NAA40: variants seen among roughly 807,000 people sequenced by gnomAD.
NAA40 encodes the protein N-alpha-acetyltransferase 40.
Under a neutral mutation model 36.6 loss-of-function variants are expected in NAA40, and 26 were observed. The observed-to-expected ratio is 0.71, with a 90% CI of 0.52 to 0.98. NAA40 has a LOEUF of 0.98. Among genes scored for constraint, NAA40 ranks in the 50% least tolerant of loss-of-function variants. The pLI, the probability that NAA40 is intolerant of heterozygous loss-of-function variation, is 0.00. For synonymous variants in NAA40, 129 were observed against 108.4 expected (o/e 1.19, Z -1.18); for missense variants, 237 against 306.5 (o/e 0.77, Z 1.69).
chr11:63,952,377 T>G, intron 4 of NAA40, 30 bp from the exon 5 acceptor site: 3 of 1,613,266 alleles, frequency 1.9e-6, no homozygotes, highest in Non-Finnish European at 2.5e-6. Context: ...TCTCGCAGCT[T>G]TCCCGTCTGA....
rs940916662 is a variant in NAA40 at position 63,939,264 on chromosome 11, C to T, written c.6+162C>T. Reference sequence around the variant, plus strand: ...GACTCCCCCATTCTAAGGGTCCCTACGCTAGGCCTAGCCCGGGAATCCTCT... The same window carrying T: ...GACTCCCCCATTCTAAGGGTCCCTATGCTAGGCCTAGCCCGGGAATCCTCT... On this transcript the variant is annotated intron_variant, in intron 1 of 7. Transcript: ENST00000377793. 174 of 1,303,662 alleles carry T rather than the reference C, an allele frequency of 1.3e-4. No homozygotes were observed. In the African/African-American group the frequency reaches 2.4e-3, roughly 18 times the overall value. 80.8% of individuals were successfully genotyped at this position (1,303,662 alleles called of 1,614,324 possible). A position where few individuals can be genotyped will look rare whatever the true frequency, so the allele number is the denominator to read the frequency against.
chr11:63,950,602 A>G (rs1408770567), intron 3 of NAA40, among the ~76,000 whole-genome samples: 1 of 151,940 alleles, frequency 6.6e-6, no homozygotes, highest in Non-Finnish European at 1.5e-5. Flanking sequence ...AGCTGGGATT[A>G]CAGGCACCCC....
At chr11:63,943,600 G>T (rs552173832) in intron 1 of NAA40, among the ~76,000 whole-genome samples, 1 of 152,226 alleles carries the variant, frequency 6.6e-6, no homozygotes, top group South Asian at 2.1e-4. Flanking sequence ...TGGTCACATT[G>T]TCTCTTCAAG....
intron 1 of NAA40, 120 bp from the exon 2 acceptor site, chr11:63,945,720 G>C (rs1942175347): frequency 1.2e-6 from 1 of 853,768 alleles, no homozygotes; most frequent in African/African-American, 1.6e-5. Context: ...CAGCAGAGGT[G>C]GGAAATTTCT....
chr11:63,947,047 CT>C, intron 3 of NAA40, 44 bp downstream of exon 3: 20 of 1,564,902 alleles, frequency 1.3e-5, no homozygotes, highest in Middle Eastern at 3.3e-4. Context: ...CCTCGAGTGT[CT>C]TCAGGAATTC....
intron 3 of NAA40, among the ~76,000 whole-genome samples, chr11:63,950,253 G>A (rs1942258130): frequency 6.6e-6 from 1 of 151,698 alleles, no homozygotes; most frequent in Non-Finnish European, 1.5e-5. Flanking sequence ...TGAGTAGCTG[G>A]GACTGCAAGT....
At chr11:63,944,212 G>T (rs951940882) in intron 1 of NAA40, among the ~76,000 whole-genome samples, 4 of 152,180 alleles carry the variant, frequency 2.6e-5, no homozygotes, top group Admixed American at 1.3e-4. Context: ...CCAGCATCTG[G>T]TTTTTCAACT....
intron 3 of NAA40, among the ~76,000 whole-genome samples, chr11:63,948,777 C>T (rs1942228922): frequency 6.6e-6 from 1 of 152,090 alleles, no homozygotes; most frequent in Non-Finnish European, 1.5e-5. Flanking sequence ...CCGGGCTGGT[C>T]TCAAACTGCT....
chr11:63,951,296 T>C (rs116525635), intron 3 of NAA40, among the ~76,000 whole-genome samples: 2,424 of 152,256 alleles, frequency 0.016, 66 homozygotes, highest in African/African-American at 0.056. Flanking sequence ...ACTTAGGCAT[T>C]TGTGGGTTTA....
rs755190876 is a variant in NAA40 at position 63,946,718 on chromosome 11, C to T, written c.103-233C>T. ...CAGGCTAATGAGGTCTCCTCTTGCC[C>T]TGTCAGGTGATGCCAAACTTAACTC... On this transcript the variant is annotated intron_variant, in intron 2 of 7. Coordinates refer to ENST00000377793, the MANE Select transcript of NAA40 (RefSeq NM_024771.4). 2.6e-6 allele frequency: 4 copies of T among 1,518,986 alleles called. No individual in the cohort carries two copies. The African/African-American group carries it at 4.1e-5, about 16-fold the overall frequency. 94.1% of individuals were successfully genotyped at this position (1,518,986 alleles called of 1,614,324 possible). A position where few individuals can be genotyped will look rare whatever the true frequency, so the allele number is the denominator to read the frequency against.
chr11:63,949,768 G>A (rs1417255674), intron 3 of NAA40, among the ~76,000 whole-genome samples: 2 of 124,754 alleles, frequency 1.6e-5, no homozygotes, highest in Admixed American at 1.7e-4. Context: ...TTTTTGAGAT[G>A]GTGTCTTGCT....
At chr11:63,948,009 T>G (rs1018080945) in intron 3 of NAA40, among the ~76,000 whole-genome samples, 1 of 151,266 alleles carries the variant, frequency 6.6e-6, no homozygotes, top group Non-Finnish European at 1.5e-5. Flanking sequence ...TGTGAGCCAC[T>G]GCGCCCAGCT....
In NAA40 at chr11:63,945,040, G is replaced by A. The variant is rs147946584; in HGVS notation, c.7-800G>A. Among the ~76,000 whole-genome samples, 807 of 152,182 alleles carry A rather than the reference G, an allele frequency of 5.3e-3. 7 individuals carry two copies. Among genetic ancestry groups the A allele is most frequent in the Non-Finnish European group, 7.9e-3 (539 of 68,002 alleles). On this transcript the variant is annotated intron_variant, in intron 1 of 7. Transcript: ENST00000377793. ...CTTAGGCCTGAGAGAATCTCACGTC[G>A]GCCTCAAAACAGGACCTGATCTAGA...
chr11:63,940,806 T>G (rs1292839389), intron 1 of NAA40, among the ~76,000 whole-genome samples: 2 of 152,212 alleles, frequency 1.3e-5, no homozygotes. Context: ...ACAAATAGTT[T>G]TGGGTATTAC....
At chr11:63,948,811 C>A (rs138738195) in intron 3 of NAA40, among the ~76,000 whole-genome samples, 1 of 152,120 alleles carries the variant, frequency 6.6e-6, no homozygotes, top group African/African-American at 2.4e-5. Context: ...CCTCCCACCT[C>A]GGCCTCCTAA....
At chr11:63,946,644 G>A (rs1942191482) in intron 2 of NAA40, 2 of 1,369,112 alleles carry the variant, frequency 1.5e-6, no homozygotes. Context: ...CAGCAGATCA[G>A]GTAGCCTCTT....
At chr11:63,946,039 A>C (rs1590752792) in intron 2 of NAA40, 104 bp downstream of exon 2, 48 of 953,088 alleles carry the variant, frequency 5.0e-5, no homozygotes, top group Non-Finnish European at 4.6e-5. Flanking sequence ...GACACTACCC[A>C]CCCACACCGC....
At position 63,954,412 on chromosome 11, in the gene NAA40, G is replaced by A. The variant is rs775603500; in HGVS notation, c.647G>A (p.Arg216Gln). 11 of 1,612,740 alleles carry A rather than the reference G, an allele frequency of 6.8e-6. No homozygotes were observed. The highest frequency in any genetic ancestry group is 2.2e-5 in the South Asian group (2 of 90,848). Residue 216 changes from arginine (R) to glutamine (Q), a missense_variant, in exon 8 of 8, where the codon CGG (arginine) becomes CAG (glutamine). Arg to Gln is a conservative substitution (Grantham distance 43). Transcript: ENST00000377793. ...GATTGCTCCTATGAGATCCTGAGCC[G>A]GAGGACCAAGTTTGGGGACAGCCAT... ...GEDCSYEILS[R>Q]RTKFGDSHHS...
rs1462480458 is a variant in NAA40, at chr11:63,952,332, A to T, written c.250A>T (p.Met84Leu). The change falls in exon 4 of 8, where the codon ATG (methionine) becomes TTG (leucine). Residue 84 changes from methionine (M) to leucine (L), a missense_variant and splice_region_variant. Coordinates refer to ENST00000377793, the MANE Select transcript of NAA40 (RefSeq NM_024771.4). ...FDLTKTNMQT[M>L]YEQSEWGWKD... ...CCTGACCAAAACGAATATGCAAACC[A>T]TGTAAGCTTGTCCCAACCAGGGGAG... 1.2e-6 allele frequency: 2 copies of T among 1,613,694 alleles called. No homozygotes were observed.
Sources: gnomAD v4.1 joint callset for allele counts (sites outside exome capture counted in the v4.1 genomes callset) on GRCh38, gnomAD v4.1.1 for gene constraint, MANE v1.5 for transcripts, NCBI Gene and HGNC (gene_info 2026-07-23, HGNC 2026-07-21) for gene names.